RMDN1: variants seen among roughly 807,000 people sequenced by gnomAD.
The protein encoded by RMDN1 is regulator of microtubule dynamics 1.
Under a neutral mutation model 48.9 loss-of-function variants are expected in RMDN1, and 48 were observed. The observed-to-expected ratio is 0.98, with a 90% CI of 0.78 to 1.25. The LOEUF (loss-of-function observed/expected upper bound fraction) is 1.25, where lower values mean the gene tolerates loss of function less well. Among genes scored for constraint, RMDN1 ranks in the 50% most tolerant of loss-of-function variants. The probability of loss-of-function intolerance (pLI) is 0.00; values close to 1 mark genes in which losing one functional copy is unlikely to be tolerated. For synonymous variants in RMDN1, 148 were observed against 132.6 expected (o/e 1.12, Z -0.80); for missense variants, 418 against 373.4 (o/e 1.12, Z -0.98).
At chr8:86,474,462 G>A in intron 9 of RMDN1, 104 bp from the exon 10 acceptor site, 1 of 911,736 alleles carries the variant, frequency 1.1e-6, no homozygotes, top group East Asian at 2.4e-5. Flanking sequence ...CCAAAAACCA[G>A]ATAGGACATT....
In RMDN1 at chr8:86,486,561, T is replaced by G; in HGVS notation, c.418A>C (p.Lys140Gln). 6.2e-7 allele frequency: 1 copy of G among 1,612,816 alleles called. No individual in the cohort carries two copies. The highest frequency in any genetic ancestry group is 8.5e-7 in the Non-Finnish European group (1 of 1,179,106). Reference sequence around the variant, plus strand: ...TCTAGGGCTTCATACACCAATAGCTTTTTCTCCTCTTCTGAGGTTCTGCTA... The same window carrying G: ...TCTAGGGCTTCATACACCAATAGCTGTTTCTCCTCTTCTGAGGTTCTGCTA... ...QLSRTSEEEK[K>Q]LLVYEALEYA... The change falls in exon 4 of 10, where the codon AAG (lysine) becomes CAG (glutamine). Residue 140 changes from lysine to glutamine, a missense_variant. Physicochemically the swap from Lys to Gln is moderately conservative, Grantham distance 53. Coordinates refer to ENST00000406452, the MANE Select transcript of RMDN1 (RefSeq NM_016033.3).
chr8:86,507,391 G>A (rs754685396), intron 1 of RMDN1, among the ~76,000 whole-genome samples: 1 of 152,122 alleles, frequency 6.6e-6, no homozygotes, highest in African/African-American at 2.4e-5. Flanking sequence ...CAAATGCATG[G>A]ATATTGCAAA....
chr8:86,494,606 C>T (rs1397554294), intron 2 of RMDN1, among the ~76,000 whole-genome samples: 1 of 152,050 alleles, frequency 6.6e-6, no homozygotes. Context: ...TCATTTGACT[C>T]CCTCACCCTC....
chr8:86,488,496 T>C (rs1815872374), intron 3 of RMDN1, 56 bp downstream of exon 3: 2 of 1,100,816 alleles, frequency 1.8e-6, no homozygotes, highest in Non-Finnish European at 2.6e-6. Flanking sequence ...TTTTAATTGT[T>C]AAATAACAAA....
At position 86,474,148 on chromosome 8, in the gene RMDN1, C is replaced by G. The variant is rs1000821257; in HGVS notation, c.*160G>C. On this transcript the variant is annotated 3_prime_UTR_variant, in exon 10 of 10. Coordinates refer to ENST00000406452, the MANE Select transcript of RMDN1 (RefSeq NM_016033.3). ...TCTTATGGCGATTATTTATTTTACC[C>G]TATTATTTGTGAAGAAGCCTAGAAT... 3 of 1,380,052 alleles carry G rather than the reference C, an allele frequency of 2.2e-6. No individual in the cohort carries two copies. The allele number at this position is 1,380,052 out of a possible 1,614,324, so 85.5% of individuals were successfully genotyped here. A position where few individuals can be genotyped will look rare whatever the true frequency, so the allele number is the denominator to read the frequency against.
In RMDN1 at chr8:86,501,311, T is replaced by C. The variant is rs1273086687; in HGVS notation, c.247+5684A>G. Among the ~76,000 whole-genome samples, 5 of 152,282 alleles carry C rather than the reference T, an allele frequency of 3.3e-5. No homozygotes were observed. The East Asian group carries it at 9.6e-4, about 29-fold the overall frequency. On this transcript the variant is annotated intron_variant, in intron 2 of 9. Transcript: ENST00000406452. The stretch of plus-strand genomic sequence containing the variant: ...TTTTGTTACTTCAGAAAGCACTACA[T>C]CTTTACAATCATTTCTATAATGCTA...
In RMDN1 at chr8:86,507,108, A is replaced by G. The variant is rs778929007; in HGVS notation, c.134T>C (p.Met45Thr). ...GPCRFRGFEV[M>T]GNPGTFKRGL... ...TCTTTTGAAAGTTCCTGGGTTTCCC[A>G]TTACCTATGGAAACAATTATGTTAA... Residue 45 changes from methionine to threonine, a missense_variant, in exon 2 of 10, where the codon ATG (methionine) becomes ACG (threonine). Coordinates refer to ENST00000406452, the MANE Select transcript of RMDN1 (RefSeq NM_016033.3). The G allele has an allele frequency of 4.3e-5, 67 of 1,576,334 alleles. No individual in the cohort carries two copies. The highest frequency in any genetic ancestry group is 2.5e-4 in the Admixed American group (15 of 59,708).
rs1363746371 is a variant in RMDN1 at position 86,482,956 on chromosome 8, G to A, written c.585+1916C>T. 3.9e-6 allele frequency: 3 copies of A among 763,126 alleles called. No individual in the cohort carries two copies. The African/African-American group carries it at 5.2e-5, about 13-fold the overall frequency. The allele number at this position is 763,126 out of a possible 1,614,324, so 47.3% of individuals were successfully genotyped here. A position where few individuals can be genotyped will look rare whatever the true frequency, so the allele number is the denominator to read the frequency against. On this transcript the variant is annotated intron_variant, in intron 5 of 9. Coordinates refer to ENST00000406452, the MANE Select transcript of RMDN1 (RefSeq NM_016033.3). ...CAGGTGGGCTCGGACGAGGTCCCCG[G>A]CGGACTGTGGCAGCCGCACTCGCTG...
chr8:86,475,203 AGTAG>A (rs1214972093), intron 8 of RMDN1, among the ~76,000 whole-genome samples: 1 of 152,198 alleles, frequency 6.6e-6, no homozygotes, highest in Non-Finnish European at 1.5e-5. Flanking sequence ...CAACTTTGTA[AGTAG>A]GTATCTCCAT....
At position 86,497,663 on chromosome 8, in the gene RMDN1, T is replaced by A. The variant is rs189977433; in HGVS notation, c.248-9024A>T. 1.9e-3 allele frequency among the ~76,000 whole-genome samples: 268 copies of A among 139,120 alleles called. 4 individuals carry two copies. The highest frequency in any genetic ancestry group is 6.8e-3 in the African/African-American group (249 of 36,502). The allele number at this position is 139,120 out of a possible 152,430, so 91.3% of individuals were successfully genotyped here. On this transcript the variant is annotated intron_variant, in intron 2 of 9. Transcript: ENST00000406452. ...CTGCAGTGAGCTGAGATCGCACCAC[T>A]GCACTCCAGCCTGAGCAACAGAGCA...
intron 7 of RMDN1, among the ~76,000 whole-genome samples, chr8:86,477,857 G>C (rs1420736298): frequency 6.6e-6 from 1 of 150,966 alleles, no homozygotes; most frequent in East Asian, 1.9e-4. Context: ...AAGTAGAGCT[G>C]ACTATATTTT....
chr8:86,472,454 C>CT lies in RMDN1; in HGVS notation c.*1853dup. ...CCCTAGAAAGACCCACTTCCTGGCC[C>CT]TTCAGCTGCTTCTGTTTCTCTTCAC... On this transcript the variant is annotated 3_prime_UTR_variant, in exon 10 of 10. Transcript: ENST00000406452. 1 of 702,528 alleles carries CT rather than the reference C, an allele frequency of 1.4e-6. No homozygotes were observed. The highest frequency in any genetic ancestry group is 2.6e-6 in the Non-Finnish European group (1 of 384,966). 43.5% of individuals were successfully genotyped at this position (702,528 alleles called of 1,614,324 possible).
At chr8:86,468,931 ACT>A (rs1277502518), downstream of RMDN1, among the ~76,000 whole-genome samples, 8 of 151,970 alleles carry the variant, frequency 5.3e-5, no homozygotes, top group South Asian at 1.2e-3. Flanking sequence ...GGAGTGCAAG[ACT>A]CTCTGTGCCC....
chr8:86,473,698 G>A lies in RMDN1; in HGVS notation c.*610C>T, dbSNP rs562858388. 3.2e-5 allele frequency: 16 copies of A among 505,162 alleles called. No homozygotes were observed. The highest frequency in any genetic ancestry group is 8.5e-5 in the South Asian group (1 of 11,712). The allele number at this position is 505,162 out of a possible 1,614,324, so 31.3% of individuals were successfully genotyped here. ...GGAGAATCACTTGAACCCGGGAGGC[G>A]GAGGCTGCAGTGGGCCGAGATTGTG... On this transcript the variant is annotated 3_prime_UTR_variant, in exon 10 of 10. Transcript: ENST00000406452.
At chr8:86,489,984 A>C (rs1816226099) in intron 2 of RMDN1, among the ~76,000 whole-genome samples, 1 of 152,164 alleles carries the variant, frequency 6.6e-6, no homozygotes, top group African/African-American at 2.4e-5. Flanking sequence ...ATGGCAAAAA[A>C]AACCCCTAAA....
intron 2 of RMDN1, chr8:86,504,464 GA>G: frequency 2.6e-6 from 4 of 1,555,362 alleles, no homozygotes; most frequent in Non-Finnish European, 3.5e-6. Context: ...TACTCAACAG[GA>G]ATCTTCAAGG....
chr8:86,472,442 C>T lies in RMDN1; in HGVS notation c.*1866G>A, dbSNP rs1451021550. 1.4e-6 allele frequency: 1 copy of T among 702,518 alleles called. No individual in the cohort carries two copies. Among genetic ancestry groups the T allele is most frequent in the East Asian group, 2.7e-5 (1 of 37,274 alleles). 43.5% of individuals were successfully genotyped at this position (702,518 alleles called of 1,614,324 possible). On this transcript the variant is annotated 3_prime_UTR_variant, in exon 10 of 10. Transcript: ENST00000406452. ...AGAATGCCACATCCCTAGAAAGACC[C>T]ACTTCCTGGCCCTTCAGCTGCTTCT...
chr8:86,514,214 A>C, intron 1 of RMDN1: 1 of 973,462 alleles, frequency 1.0e-6, no homozygotes, highest in Non-Finnish European at 1.2e-6. Flanking sequence ...TCCTTAAGGA[A>C]TTTATTTTGG....
intron 1 of RMDN1, chr8:86,514,210 A>C (rs6985066): frequency 0.25 from 235,889 of 960,524 alleles, 30,801 homozygotes; most frequent in East Asian, 0.53. Context: ...TTAATCCTTA[A>C]GGAATTTATT....
Sources: gnomAD v4.1 joint callset for allele counts (sites outside exome capture counted in the v4.1 genomes callset) on GRCh38, gnomAD v4.1.1 for gene constraint, MANE v1.5 for transcripts, NCBI Gene and HGNC (gene_info 2026-07-23, HGNC 2026-07-21) for gene names.